TMEM117: variants seen among roughly 807,000 people sequenced by gnomAD.
TMEM117 encodes transmembrane protein 117.
Under a neutral mutation model 52.4 loss-of-function variants are expected in TMEM117, and 27 were observed. The ratio of observed to expected loss-of-function variants is 0.51; its 90% confidence interval spans 0.38 to 0.71. TMEM117 has a LOEUF of 0.71. Among genes scored for constraint, TMEM117 ranks in the 30% least tolerant of loss-of-function variants. The pLI, the probability that TMEM117 is intolerant of heterozygous loss-of-function variation, is 0.00. For missense variants in TMEM117, 556 were observed against 630.5 expected, an observed-to-expected ratio of 0.88 and a Z score of 1.26; for synonymous variants, 215 against 206.3, an observed-to-expected ratio of 1.04 and a Z score of -0.36.
chr12:43,964,168 T>TA (rs1235372193), intron 3 of TMEM117, among the ~76,000 whole-genome samples: 1 of 152,140 alleles, frequency 6.6e-6, no homozygotes, highest in Non-Finnish European at 1.5e-5. Context: ...GGAAGGTTGC[T>TA]AGTAGCTCTC....
intron 3 of TMEM117, among the ~76,000 whole-genome samples, chr12:44,079,948 G>C (rs1176491850): frequency 6.7e-6 from 1 of 149,950 alleles, no homozygotes; most frequent in Non-Finnish European, 1.5e-5. Context: ...AACCCGGGGG[G>C]CACAGGTTGT....
At position 44,020,516 on chromosome 12, in the gene TMEM117, C is replaced by T. The variant is rs892953774; in HGVS notation, c.410+76174C>T. On this transcript the variant is annotated intron_variant, in intron 3 of 7. Transcript: ENST00000266534. Reference sequence around the variant, plus strand: ...CTGGGACATCATTTATTCTGATCTACGAATTTAAAGGACTTCCCTAACATT... The same window carrying T: ...CTGGGACATCATTTATTCTGATCTATGAATTTAAAGGACTTCCCTAACATT... Among the ~76,000 whole-genome samples, 4 of 152,108 alleles carry T rather than the reference C, an allele frequency of 2.6e-5. No homozygotes were observed. The South Asian group carries it at 6.2e-4, about 24-fold the overall frequency.
At chr12:44,140,418 C>A (rs1057371283) in intron 3 of TMEM117, among the ~76,000 whole-genome samples, 1 of 152,024 alleles carries the variant, frequency 6.6e-6, no homozygotes, top group Non-Finnish European at 1.5e-5. Flanking sequence ...TTTATTAAAT[C>A]ATAATTTAAA....
At chr12:44,285,175 C>T (rs1005752676) in intron 5 of TMEM117, among the ~76,000 whole-genome samples, 4 of 152,182 alleles carry the variant, frequency 2.6e-5, no homozygotes, top group Non-Finnish European at 5.9e-5. Context: ...TTTCAGCCAC[C>T]TCTTTTATGG....
intron 3 of TMEM117, among the ~76,000 whole-genome samples, chr12:44,011,345 C>T (rs1448408093): frequency 6.6e-6 from 1 of 152,118 alleles, no homozygotes; most frequent in Non-Finnish European, 1.5e-5. Context: ...TGAATTGTAA[C>T]TCCCACAATT....
chr12:43,974,582 A>G (rs1176188338), intron 3 of TMEM117, among the ~76,000 whole-genome samples: 2 of 151,998 alleles, frequency 1.3e-5, no homozygotes, highest in Non-Finnish European at 2.9e-5. Context: ...TGCTCCTTGG[A>G]ATTTCTGTTT....
intron 3 of TMEM117, among the ~76,000 whole-genome samples, chr12:44,051,408 ACTTC>A (rs1946970054): frequency 6.6e-6 from 1 of 152,210 alleles, no homozygotes; most frequent in Non-Finnish European, 1.5e-5. Flanking sequence ...GAAATGTCAG[ACTTC>A]CTTTCATTTC....
In TMEM117 at chr12:44,010,528, G is replaced by A. The variant is rs1285622504; in HGVS notation, c.410+66186G>A. Reference sequence around the variant, plus strand: ...CCAGATTCACTATTCCTCGGTCGACGTCTGTCTATTTTCTCTTTATTGCGC... The same window carrying A: ...CCAGATTCACTATTCCTCGGTCGACATCTGTCTATTTTCTCTTTATTGCGC... On this transcript the variant is annotated intron_variant, in intron 3 of 7. Transcript: ENST00000266534. Among the ~76,000 whole-genome samples, 5 of 135,710 alleles carry A rather than the reference G, an allele frequency of 3.7e-5. 1 individual carries two copies. The South Asian group carries it at 8.8e-4, about 24-fold the overall frequency. The allele number at this position is 135,710 out of a possible 152,430, so 89.0% of individuals were successfully genotyped here.
chr12:44,313,553 C>T (rs1212644197), intron 6 of TMEM117, among the ~76,000 whole-genome samples: 1 of 152,216 alleles, frequency 6.6e-6, no homozygotes, highest in African/African-American at 2.4e-5. Flanking sequence ...ATGCCTCTGG[C>T]TTTGTTCTTT....
intron 2 of TMEM117, among the ~76,000 whole-genome samples, chr12:43,877,626 C>G (rs1289721315): frequency 1.4e-5 from 2 of 139,302 alleles, no homozygotes; most frequent in African/African-American, 6.0e-5. Context: ...CATAGTGCGA[C>G]TCGGTCTCAA....
intron 4 of TMEM117, among the ~76,000 whole-genome samples, chr12:44,198,781 CTGCT>C (rs1187577752): frequency 6.6e-6 from 1 of 151,992 alleles, no homozygotes; most frequent in Non-Finnish European, 1.5e-5. Context: ...TTTAAACTTC[CTGCT>C]GGTACCAAAG....
intron 6 of TMEM117, among the ~76,000 whole-genome samples, chr12:44,311,479 T>C (rs754224015): frequency 2.0e-5 from 3 of 151,608 alleles, no homozygotes; most frequent in Non-Finnish European, 4.4e-5. Flanking sequence ...ATGAATAGGG[T>C]GGTGGGTGTA....
intron 3 of TMEM117, among the ~76,000 whole-genome samples, chr12:44,063,935 G>A (rs916067339): frequency 4.6e-5 from 7 of 152,108 alleles, no homozygotes; most frequent in African/African-American, 1.7e-4. Flanking sequence ...TTAATCAGAA[G>A]CCAGGAGGGA....
chr12:44,145,044 C>G (rs1948623597), intron 4 of TMEM117, among the ~76,000 whole-genome samples: 1 of 152,146 alleles, frequency 6.6e-6, no homozygotes, highest in Non-Finnish European at 1.5e-5. Context: ...GTAGTCCCAG[C>G]TACTCGGGAG....
chr12:44,096,957 C>T (rs1400505139), intron 3 of TMEM117, among the ~76,000 whole-genome samples: 1 of 151,844 alleles, frequency 6.6e-6, no homozygotes, highest in African/African-American at 2.4e-5. Flanking sequence ...ATTTTCACAA[C>T]CTACTCATCT....
intron 7 of TMEM117, among the ~76,000 whole-genome samples, chr12:44,377,630 A>G (rs1951960421): frequency 6.6e-6 from 1 of 152,216 alleles, no homozygotes; most frequent in African/African-American, 2.4e-5. Context: ...CAGCTGAATG[A>G]TCACAGATAA....
At chr12:44,058,032 T>G (rs1947084186) in intron 3 of TMEM117, among the ~76,000 whole-genome samples, 1 of 152,222 alleles carries the variant, frequency 6.6e-6, no homozygotes, top group African/African-American at 2.4e-5. Context: ...CTGAAGCATT[T>G]TTAAATTCCA....
At chr12:44,374,906 A>G (rs551358775) in intron 6 of TMEM117, among the ~76,000 whole-genome samples, 1 of 152,244 alleles carries the variant, frequency 6.6e-6, no homozygotes, top group Non-Finnish European at 1.5e-5. Context: ...GCTTCGTGTC[A>G]TTTATGCAGG....
chr12:43,833,034 C>A (rs1592292307), upstream of TMEM117, among the ~76,000 whole-genome samples: 2 of 152,274 alleles, frequency 1.3e-5, no homozygotes, highest in South Asian at 4.2e-4. Context: ...GCACAGGCTT[C>A]TTGGTCAGTG....
Sources: allele counts gnomAD v4.1 joint callset (sites outside exome capture counted in the v4.1 genomes callset), GRCh38; gene constraint gnomAD v4.1.1; transcripts MANE v1.5; gene names NCBI Gene and HGNC (gene_info 2026-07-23, HGNC 2026-07-21).